The following KRAS variants were observed in gnomAD, a reference collection of about 807,000 sequenced individuals.
KRAS encodes the protein KRas proto-oncogene, GTPase, also known as GTPase KRas.
KRAS carries 1 observed loss-of-function variant against 21.0 expected under a neutral mutation model. The ratio of observed to expected loss-of-function variants is 0.05; its 90% CI spans 0.02 to 0.23. The LOEUF (loss-of-function observed/expected upper bound fraction) is 0.23. KRAS is among the 10% of genes least tolerant of loss of function. The pLI is 1.00. For synonymous variants in KRAS, 67 were observed against 72.5 expected (o/e 0.92, Z 0.39); for missense variants, 107 against 221.8 (o/e 0.48, Z 3.29).
intron 4 of KRAS, among the ~76,000 whole-genome samples, chr12:25,220,077 C>G (rs560730988): frequency 2.6e-5 from 4 of 152,350 alleles, no homozygotes; most frequent in Admixed American, 2.6e-4. Flanking sequence ...AACTCTGCTT[C>G]TGTTATTCAC....
At chr12:25,248,459 C>CA (rs1400531883) in intron 1 of KRAS, among the ~76,000 whole-genome samples, 3 of 151,924 alleles carry the variant, frequency 2.0e-5, no homozygotes, top group Non-Finnish European at 4.4e-5. Context: ...CTCAAAAAAA[C>CA]AAAGAGGGTA....
At chr12:25,230,029 C>G (rs902773063) in intron 2 of KRAS, among the ~76,000 whole-genome samples, 1 of 152,124 alleles carries the variant, frequency 6.6e-6, no homozygotes, top group Non-Finnish European at 1.5e-5. Flanking sequence ...GCCTCAGCCT[C>G]TCAAAGTGCT....
chr12:25,249,646 CTGG>C (rs1338305254), intron 1 of KRAS, among the ~76,000 whole-genome samples: 2 of 137,026 alleles, frequency 1.5e-5, no homozygotes, highest in Non-Finnish European at 3.1e-5. Flanking sequence ...AGGCGGTTAG[CTGG>C]TGGATTGCTA....
intron 4 of KRAS, among the ~76,000 whole-genome samples, chr12:25,222,444 T>G (rs1165028486): frequency 6.6e-6 from 1 of 152,062 alleles, no homozygotes; most frequent in Non-Finnish European, 1.5e-5. Context: ...AACAAGTCCA[T>G]TTAATAATAA....
rs1300140120 is a variant in KRAS, at chr12:25,206,101, A to ATGT, written c.*3691_*3693dup. On this transcript the variant is annotated 3_prime_UTR_variant, in exon 5 of 5. Transcript: ENST00000311936. The stretch of plus-strand genomic sequence containing the variant: ...AAGTTATATACTGTTTGAAGAAAAA[A>ATGT]TGTTTAGAAGAAAAAAAAAATCAAT... 3 of 211,328 alleles carry ATGT rather than the reference A, an allele frequency of 1.4e-5. No individual in the cohort carries two copies. Among genetic ancestry groups the ATGT allele is most frequent in the East Asian group, 7.1e-5 (1 of 14,040 alleles). The allele number at this position is 211,328 out of a possible 1,614,324, so 13.1% of individuals were successfully genotyped here. A position where few individuals can be genotyped will look rare whatever the true frequency, so the allele number is the denominator to read the frequency against.
At chr12:25,220,581 G>A (rs917276054) in intron 4 of KRAS, among the ~76,000 whole-genome samples, 6 of 152,106 alleles carry the variant, frequency 3.9e-5, no homozygotes, top group African/African-American at 1.4e-4. Context: ...ACAAAAATTA[G>A]CTGGGCGTGG....
At chr12:25,246,507 C>T (rs1294203954) in intron 1 of KRAS, among the ~76,000 whole-genome samples, 5 of 149,544 alleles carry the variant, frequency 3.3e-5, no homozygotes, top group Non-Finnish European at 7.4e-5. Context: ...GCAGTGAGCC[C>T]AGATCACGCC....
In KRAS at chr12:25,205,938, T is replaced by C. The variant is rs575836112; in HGVS notation, c.*3857A>G. 1 of 214,782 alleles carries C rather than the reference T, an allele frequency of 4.7e-6. No homozygotes were observed. Among genetic ancestry groups the C allele is most frequent in the Non-Finnish European group, 9.4e-6 (1 of 106,378 alleles). 13.3% of individuals were successfully genotyped at this position (214,782 alleles called of 1,614,324 possible). A position where few individuals can be genotyped will look rare whatever the true frequency, so the allele number is the denominator to read the frequency against. On this transcript the variant is annotated 3_prime_UTR_variant, in exon 5 of 5. Coordinates refer to ENST00000311936, the MANE Select transcript of KRAS (RefSeq NM_004985.5). ...TGCTATCCAGTATTAACACAGAAGT[T>C]ACTAAATATAAATTCAGCTTTAAGG...
chr12:25,249,938 T>C (rs191877460), intron 1 of KRAS, among the ~76,000 whole-genome samples: 7 of 152,296 alleles, frequency 4.6e-5, no homozygotes, highest in African/African-American at 7.2e-5. Flanking sequence ...ACAGACCATC[T>C]GGGATTAACT....
chr12:25,240,027 A>T (rs1951591702), intron 2 of KRAS, among the ~76,000 whole-genome samples: 1 of 152,200 alleles, frequency 6.6e-6, no homozygotes, highest in South Asian at 2.1e-4. Flanking sequence ...CACACTACCT[A>T]CCTTACTTTT....
intron 2 of KRAS, among the ~76,000 whole-genome samples, chr12:25,237,468 T>C (rs904899959): frequency 2.0e-5 from 3 of 152,074 alleles, no homozygotes; most frequent in African/African-American, 4.8e-5. Context: ...ATGAGTGATA[T>C]TGGGCATGTT....
At chr12:25,214,482 G>C (rs544064673) in intron 4 of KRAS, among the ~76,000 whole-genome samples, 6 of 151,844 alleles carry the variant, frequency 4.0e-5, no homozygotes, top group African/African-American at 1.4e-4. Context: ...CTGCCTCCCA[G>C]GTTCAAGCAA....
At chr12:25,225,333 T>TATATATATAC (rs1951378925) in intron 4 of KRAS, 1 of 166,326 alleles carries the variant, frequency 6.0e-6, no homozygotes, top group Admixed American at 7.3e-5. Context: ...TATATATATA[T>TATATATATAC]ATGTAACCAT....
At position 25,242,216 on chromosome 12, in the gene KRAS, T is replaced by G. The variant is rs556922469; in HGVS notation, c.111+3058A>C. ...GTGCCACAATAAAAGCATGCTGATG[T>G]CAAACAATTAGAGCCTGGGAAAAAA... is the stretch of plus-strand genomic sequence containing the variant. On this transcript the variant is annotated intron_variant, in intron 2 of 4. Coordinates refer to ENST00000311936, the MANE Select transcript of KRAS (RefSeq NM_004985.5). 3.9e-5 allele frequency among the ~76,000 whole-genome samples: 6 copies of G among 152,282 alleles called. No individual in the cohort carries two copies. The South Asian group carries it at 6.2e-4, about 16-fold the overall frequency.
At chr12:25,247,485 G>A (rs1951699073) in intron 1 of KRAS, among the ~76,000 whole-genome samples, 1 of 152,154 alleles carries the variant, frequency 6.6e-6, no homozygotes, top group South Asian at 2.1e-4. Flanking sequence ...TATCCCGTTT[G>A]CCTCCACGCT....
In KRAS at chr12:25,208,411, T is replaced by A. The variant is rs1348753279; in HGVS notation, c.*1384A>T. ...ATTTTAAAGCATTATTAAATATGGATCAGACTTGAAAAGTGTTTATGCAAT... is the reference window on the plus strand; with the variant it reads ...ATTTTAAAGCATTATTAAATATGGAACAGACTTGAAAAGTGTTTATGCAAT... On this transcript the variant is annotated 3_prime_UTR_variant, in exon 5 of 5. Coordinates refer to ENST00000311936, the MANE Select transcript of KRAS (RefSeq NM_004985.5). 1.7e-5 allele frequency: 4 copies of A among 233,054 alleles called. No individual in the cohort carries two copies. Among genetic ancestry groups the A allele is most frequent in the African/African-American group, 6.6e-5 (3 of 45,316 alleles). The allele number at this position is 233,054 out of a possible 1,614,324, so 14.4% of individuals were successfully genotyped here. A position where few individuals can be genotyped will look rare whatever the true frequency, so the allele number is the denominator to read the frequency against.
At chr12:25,229,925 C>T (rs1300363875) in intron 2 of KRAS, among the ~76,000 whole-genome samples, 2 of 152,030 alleles carry the variant, frequency 1.3e-5, no homozygotes, top group Non-Finnish European at 1.5e-5. Context: ...CACGCCACCA[C>T]GCCCGGCTAA....
chr12:25,207,116 T>C lies in KRAS; in HGVS notation c.*2679A>G, dbSNP rs1951146986. 4.8e-6 allele frequency: 1 copy of C among 208,812 alleles called. No individual in the cohort carries two copies. The highest frequency in any genetic ancestry group is 9.7e-6 in the Non-Finnish European group (1 of 102,710). 12.9% of individuals were successfully genotyped at this position (208,812 alleles called of 1,614,324 possible). On this transcript the variant is annotated 3_prime_UTR_variant, in exon 5 of 5. Transcript: ENST00000311936. ...TCTCTGGGTCGTATACCAAAGGCCT[T>C]AGTAAGATATTACAGACCACACTAG...
Position 25,229,159 on chromosome 12 carries a change from G to A in KRAS, c.112-1747C>T, listed in dbSNP as rs544281222. Among the ~76,000 whole-genome samples the A allele has an allele frequency of 2.0e-4, 30 of 152,274 alleles. No individual in the cohort carries two copies. In the South Asian group the frequency reaches 6.0e-3, roughly 31 times the overall value. ...AAATTTTTTAAAGGTATTATATGGA[G>A]AGTCAACAATGCAAGTGTACATGCT... On this transcript the variant is annotated intron_variant, in intron 2 of 4. Transcript: ENST00000311936.
Sources: allele counts gnomAD v4.1 joint callset (sites outside exome capture counted in the v4.1 genomes callset), GRCh38; gene constraint gnomAD v4.1.1; transcripts MANE v1.5; gene names NCBI Gene and HGNC (gene_info 2026-07-23, HGNC 2026-07-21).